ETV7: variants seen among roughly 807,000 people sequenced by gnomAD.
ETV7 encodes the protein ETS variant transcription factor 7.
In ETV7, 43 loss-of-function variants were observed where a neutral mutation model predicts 39.1. The ratio of observed to expected loss-of-function variants is 1.10; its 90% CI spans 0.86 to 1.42. The LOEUF is 1.42. Among genes scored for constraint, ETV7 ranks in the 40% most tolerant of loss-of-function variants. ETV7 has a pLI of 0.00. For missense variants in ETV7, 432 were observed against 442.3 expected, an observed-to-expected ratio of 0.98 and a Z score of 0.21; for synonymous variants, 196 against 176.6, an observed-to-expected ratio of 1.11 and a Z score of -0.87.
chr6:36,383,302 T>A (rs1025163904), intron 2 of ETV7, among the ~76,000 whole-genome samples: 21 of 152,022 alleles, frequency 1.4e-4, no homozygotes, highest in African/African-American at 4.4e-4. Flanking sequence ...CACTCCTCCA[T>A]CCCAGTAGAC....
intron 7 of ETV7, among the ~76,000 whole-genome samples, chr6:36,355,481 G>A (rs1376112729): frequency 1.3e-5 from 2 of 151,190 alleles, no homozygotes; most frequent in East Asian, 1.9e-4. Flanking sequence ...CCAACTCTCC[G>A]CCTCACTCCA....
chr6:36,363,009 G>C (rs1372345141), downstream of ETV7, among the ~76,000 whole-genome samples: 1 of 152,214 alleles, frequency 6.6e-6, no homozygotes, highest in East Asian at 1.9e-4. Flanking sequence ...GCTGGGCCAT[G>C]TGATCTTGCG....
At chr6:36,373,730 C>T in intron 3 of ETV7, 152 bp from the exon 4 acceptor site, 1 of 865,108 alleles carries the variant, frequency 1.2e-6, no homozygotes. Context: ...CTGCAGCTAA[C>T]AGGAGGCTGG....
intron 5 of ETV7, among the ~76,000 whole-genome samples, chr6:36,370,375 TAAAAC>T (rs1418858180): frequency 6.6e-6 from 1 of 151,682 alleles, no homozygotes; most frequent in Admixed American, 6.6e-5. Context: ...TCTCTACTAA[TAAAAC>T]AAAAATTAGC....
Position 36,368,923 on chromosome 6 carries a change from G to T in ETV7, c.807+6C>A, listed in dbSNP as rs1312075245. On this transcript the variant is annotated splice_donor_region_variant and intron_variant, in intron 6 of 7. Coordinates refer to ENST00000340181, the MANE Select transcript of ETV7 (RefSeq NM_016135.4). ...TGTTGAGACCATTCTGCTGGCCGAG[G>T]CTCACCTTGTGATTTCCCCAGAGTC... The T allele has an allele frequency of 1.2e-6, 2 of 1,614,090 alleles. No individual in the cohort carries two copies. The highest frequency in any genetic ancestry group is 1.7e-6 in the Non-Finnish European group (2 of 1,180,016).
chr6:36,373,053 GTT>G (rs1459093382), intron 4 of ETV7, among the ~76,000 whole-genome samples: 1 of 151,882 alleles, frequency 6.6e-6, no homozygotes, highest in Admixed American at 6.6e-5. Context: ...GGAAGAAAGA[GTT>G]TTGGGGGAAG....
At chr6:36,383,781 G>A (rs1773764577) in intron 2 of ETV7, among the ~76,000 whole-genome samples, 1 of 152,230 alleles carries the variant, frequency 6.6e-6, no homozygotes, top group Non-Finnish European at 1.5e-5. Flanking sequence ...GGCCAGAACT[G>A]TATTGTCTGA....
rs772887597 is a variant in ETV7 at position 36,367,012 on chromosome 6, C to G, written c.808-37G>C. 5 of 1,513,832 alleles carry G rather than the reference C, an allele frequency of 3.3e-6. No homozygotes were observed. In the South Asian group the frequency reaches 5.6e-5, roughly 17 times the overall value. The allele number at this position is 1,513,832 out of a possible 1,614,324, so 93.8% of individuals were successfully genotyped here. On this transcript the variant is annotated intron_variant, in intron 6 of 7. Transcript: ENST00000340181. The stretch of plus-strand genomic sequence containing the variant: ...AGCAGCCCCACATCAGCCCCACTCC[C>G]CATGTCCTGCTCCTTCCACACCTGG...
downstream of ETV7, among the ~76,000 whole-genome samples, chr6:36,365,744 G>T (rs1003076434): frequency 6.6e-6 from 1 of 152,152 alleles, no homozygotes; most frequent in Non-Finnish European, 1.5e-5. Flanking sequence ...CGAAGCCCTG[G>T]GTTGTGGAGA....
At chr6:36,357,804 G>A (rs1561896453) in intron 7 of ETV7, among the ~76,000 whole-genome samples, 1 of 152,140 alleles carries the variant, frequency 6.6e-6, no homozygotes. Flanking sequence ...CTTGAACCTG[G>A]TAGGTGGAGG....
At chr6:36,375,221 C>G (rs531803747) in intron 3 of ETV7, among the ~76,000 whole-genome samples, 1 of 152,024 alleles carries the variant, frequency 6.6e-6, no homozygotes, top group African/African-American at 2.4e-5. Flanking sequence ...AAAACATGAG[C>G]GAATTCTTAA....
intron 3 of ETV7, among the ~76,000 whole-genome samples, chr6:36,374,367 AG>A (rs371225398): frequency 6.6e-5 from 10 of 151,976 alleles, no homozygotes; most frequent in African/African-American, 1.9e-4. Context: ...AAAAAAAAAA[AG>A]CCAGAATTGG....
chr6:36,367,002 GC>G, intron 6 of ETV7, 27 bp from the exon 7 acceptor site: 1 of 1,570,650 alleles, frequency 6.4e-7, no homozygotes, highest in South Asian at 1.1e-5. Context: ...CCCCACATCA[GC>G]CCCACTCCCC....
At chr6:36,362,506 G>A (rs1046176264), downstream of ETV7, among the ~76,000 whole-genome samples, 2 of 150,770 alleles carry the variant, frequency 1.3e-5, no homozygotes, top group African/African-American at 4.9e-5. Context: ...AATTTTCAAT[G>A]ACCTGCCACT....
chr6:36,385,352 G>C (rs530810573), intron 2 of ETV7, among the ~76,000 whole-genome samples, 182 bp downstream of exon 2: 1 of 152,274 alleles, frequency 6.6e-6, no homozygotes, highest in African/African-American at 2.4e-5. Context: ...TGTAGTCCCA[G>C]CTATTGGAGA....
intron 4 of ETV7, 21 bp downstream of exon 4, chr6:36,373,432 C>A (rs369956440): frequency 1.3e-6 from 2 of 1,518,188 alleles, no homozygotes; most frequent in Non-Finnish European, 1.8e-6. Flanking sequence ...GTACTCCGAG[C>A]ACCACAGAGA....
At chr6:36,359,479 A>G (rs1200653536) in intron 7 of ETV7, among the ~76,000 whole-genome samples, 1 of 152,044 alleles carries the variant, frequency 6.6e-6, no homozygotes, top group Non-Finnish European at 1.5e-5. Context: ...AGAAAAAAAG[A>G]AAAAAGAAAG....
At chr6:36,372,639 G>A (rs1402232791) in intron 4 of ETV7, among the ~76,000 whole-genome samples, 1 of 148,404 alleles carries the variant, frequency 6.7e-6, no homozygotes, top group East Asian at 2.0e-4. Context: ...TGGGGGTGGG[G>A]GTAGAAATCT....
In ETV7 at chr6:36,366,588, C is replaced by CAT; in HGVS notation, c.*55_*56dup. 3 of 1,611,790 alleles carry CAT rather than the reference C, an allele frequency of 1.9e-6. No homozygotes were observed. The highest frequency in any genetic ancestry group is 2.5e-6 in the Non-Finnish European group (3 of 1,178,696). On this transcript the variant is annotated 3_prime_UTR_variant, in exon 8 of 8. Transcript: ENST00000340181. ...TCTGCTGGGAGGAGGAGTCTGCCTT[C>CAT]ATGGGAGACTCGGTCCCTGCCCCAT... is the stretch of plus-strand genomic sequence containing the variant.
Sources: gnomAD v4.1 joint callset for allele counts (sites outside exome capture counted in the v4.1 genomes callset) on GRCh38, gnomAD v4.1.1 for gene constraint, MANE v1.5 for transcripts, NCBI Gene and HGNC (gene_info 2026-07-23, HGNC 2026-07-21) for gene names.